The following PCSK1 variants were observed in gnomAD, a reference collection of about 807,000 sequenced individuals.
The protein encoded by PCSK1 is neuroendocrine convertase 1.
In PCSK1, 56 loss-of-function variants were observed where a neutral mutation model predicts 90.6. The ratio of observed to expected loss-of-function variants is 0.62; its 90% CI spans 0.50 to 0.77. The LOEUF (loss-of-function observed/expected upper bound fraction) is 0.77. Among genes scored for constraint, PCSK1 ranks in the 30% least tolerant of loss-of-function variants. The probability of loss-of-function intolerance (pLI) is 0.00; values close to 1 mark genes in which losing one functional copy is unlikely to be tolerated. For synonymous variants in PCSK1, 348 were observed against 342.4 expected, an observed-to-expected ratio of 1.02 and a Z score of -0.18; for missense variants, 801 against 932.6, an observed-to-expected ratio of 0.86 and a Z score of 1.84.
chr5:96,433,135 C>T lies in PCSK1; in HGVS notation c.-93G>A, dbSNP rs1366360586. On this transcript the variant is annotated 5_prime_UTR_variant, in exon 1 of 14. Coordinates refer to ENST00000311106, the MANE Select transcript of PCSK1 (RefSeq NM_000439.5). ...CAGACAGACTCCCCCTTCCCACCCT[C>T]GGGCTCTAGACCACTCCTGGCTCCT... The T allele has an allele frequency of 8.2e-7, 1 of 1,224,966 alleles. No homozygotes were observed. The highest frequency in any genetic ancestry group is 1.5e-5 in the African/African-American group (1 of 67,526). The allele number at this position is 1,224,966 out of a possible 1,614,324, so 75.9% of individuals were successfully genotyped here. A position where few individuals can be genotyped will look rare whatever the true frequency, so the allele number is the denominator to read the frequency against.
chr5:96,432,118 C>T (rs1292438821), intron 1 of PCSK1: 4 of 1,535,766 alleles, frequency 2.6e-6, no homozygotes, highest in African/African-American at 2.7e-5. Flanking sequence ...GATCCCTTCC[C>T]CATAGTCAGT....
In PCSK1 at chr5:96,433,036, G is replaced by T. The variant is rs1367205304; in HGVS notation, c.7C>A (p.Arg3=). 3.7e-6 allele frequency: 6 copies of T among 1,613,758 alleles called. No homozygotes were observed. Among genetic ancestry groups the T allele is most frequent in the Middle Eastern group, 3.3e-4 (2 of 6,064 alleles). ME[R]RAWSLQCTAF... is the part of the protein sequence containing the mutation. ...GTGCACTGCAGACTCCAGGCTCTTC[G>T]CTCCATAGCTCACACACTCGCTTGA... The change falls in exon 1 of 14, where the codon CGA becomes AGA. Residue 3 remains arginine (R), a synonymous_variant. Transcript: ENST00000311106.
intron 1 of PCSK1, 39 bp from the exon 2 acceptor site, chr5:96,429,356 C>CA (rs1342007247): frequency 8.7e-7 from 1 of 1,152,944 alleles, no homozygotes; most frequent in African/African-American, 1.5e-5. Context: ...TCCACGTTCC[C>CA]AAACAAGTAT....
In PCSK1 at chr5:96,392,298, C is replaced by A. The variant is rs139094784; in HGVS notation, c.*703G>T. On this transcript the variant is annotated 3_prime_UTR_variant, in exon 14 of 14. Transcript: ENST00000311106. ...CAGAGGAAAGACCAGGCATGCAGCA[C>A]GAGTCATAACCACCTCTGGATCCAC... is the stretch of plus-strand genomic sequence containing the variant. 6.6e-6 allele frequency: 1 copy of A among 152,144 alleles called. No individual in the cohort carries two copies. Among genetic ancestry groups the A allele is most frequent in the African/African-American group, 2.4e-5 (1 of 41,414 alleles). 9.4% of individuals were successfully genotyped at this position (152,144 alleles called of 1,614,324 possible).
chr5:96,412,182 G>T, intron 7 of PCSK1, 136 bp downstream of exon 7: 2 of 831,176 alleles, frequency 2.4e-6, no homozygotes, highest in Non-Finnish European at 2.0e-6. Flanking sequence ...GGCCCTCTAA[G>T]TGCATTTAAA....
intron 1 of PCSK1, chr5:96,432,227 G>A (rs1045948552): frequency 8.9e-6 from 9 of 1,011,480 alleles, no homozygotes; most frequent in East Asian, 2.6e-5. Flanking sequence ...AGAGAGTCGC[G>A]GGGATAGATG....
intron 1 of PCSK1, among the ~76,000 whole-genome samples, chr5:96,431,253 C>G (rs566437669): frequency 8.9e-4 from 135 of 152,316 alleles, no homozygotes; most frequent in African/African-American, 3.1e-3. Context: ...TATTATGTCT[C>G]ACTGTTTTCC....
At chr5:96,427,877 C>G (rs993082010) in intron 2 of PCSK1, among the ~76,000 whole-genome samples, 2 of 152,134 alleles carry the variant, frequency 1.3e-5, no homozygotes, top group Non-Finnish European at 2.9e-5. Flanking sequence ...AGCCCACACA[C>G]GATGAGCCCT....
At chr5:96,425,286 G>T (rs542229606) in intron 3 of PCSK1, among the ~76,000 whole-genome samples, 1 of 152,172 alleles carries the variant, frequency 6.6e-6, no homozygotes, top group African/African-American at 2.4e-5. Flanking sequence ...CAATTTCTTC[G>T]CTCAAGGATT....
intron 2 of PCSK1, among the ~76,000 whole-genome samples, chr5:96,428,284 G>A (rs1364724573): frequency 6.6e-6 from 1 of 152,102 alleles, no homozygotes; most frequent in Non-Finnish European, 1.5e-5. Flanking sequence ...GAAGTTGAAA[G>A]GATGTTTTTA....
At chr5:96,423,290 G>A in intron 4 of PCSK1, 23 bp downstream of exon 4, 3 of 1,595,776 alleles carry the variant, frequency 1.9e-6, no homozygotes, top group Non-Finnish European at 2.6e-6. Context: ...CTAAGTCACA[G>A]TCATGAGAAG....
intron 9 of PCSK1, among the ~76,000 whole-genome samples, chr5:96,400,744 T>G (rs1760329208): frequency 6.6e-6 from 1 of 152,210 alleles, no homozygotes; most frequent in Non-Finnish European, 1.5e-5. Flanking sequence ...TGCAAGGCAC[T>G]ATGCTAATAC....
chr5:96,392,123 G>A lies in PCSK1; in HGVS notation c.*878C>T, dbSNP rs1759964556. 1 of 150,988 alleles carries A rather than the reference G, an allele frequency of 6.6e-6. No homozygotes were observed. The highest frequency in any genetic ancestry group is 2.1e-4 in the South Asian group (1 of 4,804). 9.4% of individuals were successfully genotyped at this position (150,988 alleles called of 1,614,324 possible). On this transcript the variant is annotated 3_prime_UTR_variant, in exon 14 of 14. Transcript: ENST00000311106. ...GTCTCCATGTGATAAGTGGTTTCCTGTTACTGCTGAAAAAAATTGTGACTA... is the reference window on the plus strand; with the variant it reads ...GTCTCCATGTGATAAGTGGTTTCCTATTACTGCTGAAAAAAATTGTGACTA...
At chr5:96,419,451 A>G (rs901023265) in intron 5 of PCSK1, among the ~76,000 whole-genome samples, 12 of 145,192 alleles carry the variant, frequency 8.3e-5, no homozygotes, top group Non-Finnish European at 1.5e-4. Context: ...CTCTCTCTAT[A>G]TATATATACA....
chr5:96,423,330 C>A lies in PCSK1; in HGVS notation c.526G>T (p.Asp176Tyr), dbSNP rs552958813. ...ACACTTACATAGTTGGCATAAATGT[C>A]CGTGTGATTCCACTCCAAACCATCA... ...LDDGLEWNHT[D>Y]IYANYDPEAS... The change falls in exon 4 of 14, where the codon GAC becomes TAC. Residue 176 changes from aspartate (D) to tyrosine (Y), a missense_variant. By Grantham distance (160) the Asp-to-Tyr change is radical. Transcript: ENST00000311106. 1 of 1,611,118 alleles carries A rather than the reference C, an allele frequency of 6.2e-7. No homozygotes were observed. The highest frequency in any genetic ancestry group is 1.3e-5 in the African/African-American group (1 of 75,004).
At chr5:96,420,063 C>T (rs965210761) in intron 5 of PCSK1, among the ~76,000 whole-genome samples, 4 of 152,126 alleles carry the variant, frequency 2.6e-5, no homozygotes, top group South Asian at 2.1e-4. Flanking sequence ...ACAGATTTCC[C>T]GTAGTCTTAA....
intron 1 of PCSK1, among the ~76,000 whole-genome samples, chr5:96,430,623 T>A (rs1319369693): frequency 1.3e-5 from 2 of 152,208 alleles, no homozygotes; most frequent in African/African-American, 4.8e-5. Flanking sequence ...TAAATTAGTG[T>A]AATTTTAGTA....
At position 96,392,442 on chromosome 5, in the gene PCSK1, A is replaced by T. The variant is rs1460219605; in HGVS notation, c.*559T>A. ...GATCTAAATAATCCAGCTTTTGACC[A>T]ACATGACCAGATTTTGACTACAGGA... On this transcript the variant is annotated 3_prime_UTR_variant, in exon 14 of 14. Transcript: ENST00000311106. The T allele has an allele frequency of 6.5e-6, 1 of 154,448 alleles. No individual in the cohort carries two copies. Among genetic ancestry groups the T allele is most frequent in the African/African-American group, 2.4e-5 (1 of 41,480 alleles). The allele number at this position is 154,448 out of a possible 1,614,324, so 9.6% of individuals were successfully genotyped here. A position where few individuals can be genotyped will look rare whatever the true frequency, so the allele number is the denominator to read the frequency against.
chr5:96,412,551 G>A lies in PCSK1; in HGVS notation c.710-61C>T, dbSNP rs79505615. On this transcript the variant is annotated intron_variant, in intron 6 of 13. Coordinates refer to ENST00000311106, the MANE Select transcript of PCSK1 (RefSeq NM_000439.5). The stretch of plus-strand genomic sequence containing the variant: ...GATGTCAGTATGTACATGGACAAAA[G>A]CCCAATACTCTTACTATTTGTATTT... 441 of 1,394,782 alleles carry A rather than the reference G, an allele frequency of 3.2e-4. No homozygotes were observed. In the East Asian group the frequency reaches 7.0e-3, roughly 22 times the overall value. 86.4% of individuals were successfully genotyped at this position (1,394,782 alleles called of 1,614,324 possible).
Sources: gnomAD v4.1 joint callset for allele counts (sites outside exome capture counted in the v4.1 genomes callset) on GRCh38, gnomAD v4.1.1 for gene constraint, MANE v1.5 for transcripts, NCBI Gene and HGNC (gene_info 2026-07-23, HGNC 2026-07-21) for gene names.